ANK3: variants seen among roughly 807,000 people sequenced by gnomAD.
ANK3 encodes the protein ankyrin 3.
A neutral mutation model predicts 370.9 loss-of-function variants in ANK3; 57 were observed. That is an observed-to-expected ratio of 0.15 (90% confidence interval 0.12 to 0.19). The LOEUF (loss-of-function observed/expected upper bound fraction) is 0.19, where lower values mean the gene tolerates loss of function less well. Ranked by LOEUF, ANK3 falls within the 10% of genes least tolerant of loss-of-function variation. The pLI is 1.00. For synonymous variants in ANK3, 1,929 were observed against 1,946.3 expected, an observed-to-expected ratio of 0.99 and a Z score of 0.23; for missense variants, 4,439 against 5,302.1, an observed-to-expected ratio of 0.84 and a Z score of 5.06.
chr10:60,072,323 C>T lies in ANK3; in HGVS notation c.8558G>A (p.Arg2853Lys). The T allele has an allele frequency of 6.2e-7, 1 of 1,613,988 alleles. No homozygotes were observed. Residue 2853 changes from arginine to lysine, a missense_variant, in exon 37 of 44, where the codon AGA (arginine) becomes AAA (lysine). Arg to Lys is a conservative substitution (Grantham distance 26). Coordinates refer to ENST00000280772, the MANE Select transcript of ANK3 (RefSeq NM_020987.5). Reference sequence around the variant, plus strand: ...AGTGGCTCCCGAACTCTCCCATGTTCTAAAGACCTTTTTGTCCCATGGTCC... The same window carrying T: ...AGTGGCTCCCGAACTCTCCCATGTTTTAAAGACCTTTTTGTCCCATGGTCC... ...TRGPWDKKVF[R>K]TWESSGATNN...
intron 1 of ANK3, among the ~76,000 whole-genome samples, chr10:60,299,717 A>G (rs1020683320): frequency 5.9e-5 from 9 of 152,180 alleles, no homozygotes; most frequent in Non-Finnish European, 1.0e-4. Flanking sequence ...TAAGGGGGAG[A>G]TGGCTTACTA....
chr10:60,483,719 T>C (rs1469982052), intron 2 of ANK3, among the ~76,000 whole-genome samples: 2 of 152,072 alleles, frequency 1.3e-5, no homozygotes, highest in African/African-American at 4.8e-5. Flanking sequence ...GACCTCCCCC[T>C]CCAGCCCCCA....
chr10:60,107,220 C>G (rs189370087), intron 27 of ANK3, among the ~76,000 whole-genome samples: 1 of 152,052 alleles, frequency 6.6e-6, no homozygotes, highest in East Asian at 1.9e-4. Flanking sequence ...TAGGTAGAAA[C>G]AAAATCAAGT....
chr10:60,417,440 G>A (rs1020472987), intron 2 of ANK3, among the ~76,000 whole-genome samples: 1 of 152,140 alleles, frequency 6.6e-6, no homozygotes, highest in Admixed American at 6.5e-5. Flanking sequence ...TACTAGTGCA[G>A]GCCTGGTTTC....
chr10:60,262,000 C>G lies in ANK3; in HGVS notation c.700-43G>C, dbSNP rs748641816. 12 of 1,518,528 alleles carry G rather than the reference C, an allele frequency of 7.9e-6. No homozygotes were observed. The Middle Eastern group carries it at 5.1e-4, about 65-fold the overall frequency. 94.1% of individuals were successfully genotyped at this position (1,518,528 alleles called of 1,614,324 possible). ...CAGACATTCAATTGATTCCTGCCAG[C>G]CCCCTGCCTGACAGGCAAATATCAT... is the stretch of plus-strand genomic sequence containing the variant. On this transcript the variant is annotated intron_variant, in intron 6 of 43. Coordinates refer to ENST00000280772, the MANE Select transcript of ANK3 (RefSeq NM_020987.5).
At chr10:60,713,265 A>G (rs1043625966) in intron 1 of ANK3, among the ~76,000 whole-genome samples, 1 of 152,202 alleles carries the variant, frequency 6.6e-6, no homozygotes, top group Non-Finnish European at 1.5e-5. Context: ...ATGCTCTCAC[A>G]CCACAATGAA....
intron 1 of ANK3, among the ~76,000 whole-genome samples, chr10:60,695,254 G>T (rs2079428368): frequency 6.6e-6 from 1 of 152,008 alleles, no homozygotes; most frequent in African/African-American, 2.4e-5. Flanking sequence ...CATAAAGCAA[G>T]CCCTGAGTGA....
chr10:60,404,274 T>C (rs1270072052), intron 2 of ANK3, among the ~76,000 whole-genome samples: 2 of 152,114 alleles, frequency 1.3e-5, no homozygotes, highest in Non-Finnish European at 2.9e-5. Flanking sequence ...TAAAGAACTT[T>C]GAATATCCAA....
chr10:60,169,959 A>G (rs978996286), intron 21 of ANK3, among the ~76,000 whole-genome samples: 14 of 152,068 alleles, frequency 9.2e-5, no homozygotes, highest in African/African-American at 3.1e-4. Flanking sequence ...ACACTCTAAG[A>G]TGTTCCAGGC....
At chr10:60,730,641 T>A (rs939686418) in intron 1 of ANK3, among the ~76,000 whole-genome samples, 9 of 152,224 alleles carry the variant, frequency 5.9e-5, no homozygotes, top group African/African-American at 2.2e-4. Context: ...TGCAATTAAA[T>A]GGCCCTATTG....
At chr10:60,660,918 TCACA>T (rs140134322) in intron 1 of ANK3, among the ~76,000 whole-genome samples, 1 of 148,918 alleles carries the variant, frequency 6.7e-6, no homozygotes, top group South Asian at 2.1e-4. Flanking sequence ...AAATACACAC[TCACA>T]CACACACACA....
intron 4 of ANK3, among the ~76,000 whole-genome samples, chr10:60,278,443 C>T (rs971958431): frequency 3.3e-5 from 5 of 152,078 alleles, no homozygotes; most frequent in Non-Finnish European, 7.4e-5. Flanking sequence ...GGTGCAATCT[C>T]GGCTCACTGC....
intron 25 of ANK3, among the ~76,000 whole-genome samples, chr10:60,128,926 T>C (rs2093921702): frequency 6.6e-6 from 1 of 152,234 alleles, no homozygotes; most frequent in South Asian, 2.1e-4. Flanking sequence ...TAATGTGTCT[T>C]AAGTACATTA....
intron 2 of ANK3, among the ~76,000 whole-genome samples, chr10:60,529,440 G>A (rs765435614): frequency 1.3e-4 from 20 of 152,118 alleles, no homozygotes; most frequent in African/African-American, 1.7e-4. Flanking sequence ...CCCACACATC[G>A]ATAGAAGTTT....
chr10:60,224,954 C>A (rs1242537014), intron 8 of ANK3, among the ~76,000 whole-genome samples: 1 of 149,344 alleles, frequency 6.7e-6, no homozygotes, highest in Non-Finnish European at 1.5e-5. Context: ...CTTGTTGTCA[C>A]CCAGGCTGGA....
intron 7 of ANK3, among the ~76,000 whole-genome samples, chr10:60,258,388 G>T (rs2097764768): frequency 6.6e-6 from 1 of 152,204 alleles, no homozygotes; most frequent in African/African-American, 2.4e-5. Context: ...CATATACCTA[G>T]TAAAATTACA....
intron 42 of ANK3, among the ~76,000 whole-genome samples, chr10:60,049,310 T>C (rs761400825): frequency 1.3e-5 from 2 of 152,184 alleles, no homozygotes; most frequent in African/African-American, 2.4e-5. Flanking sequence ...GTAATGGGTC[T>C]GGGCGCAGTG....
intron 1 of ANK3, among the ~76,000 whole-genome samples, chr10:60,664,076 C>T (rs552248821): frequency 6.2e-4 from 94 of 152,340 alleles, no homozygotes; most frequent in Admixed American, 1.1e-3. Flanking sequence ...CCCACCCACT[C>T]AGCTTCCCAC....
intron 2 of ANK3, among the ~76,000 whole-genome samples, chr10:60,476,779 C>T (rs935170030): frequency 3.9e-5 from 6 of 152,068 alleles, no homozygotes; most frequent in East Asian, 1.9e-4. Flanking sequence ...GTCAATGGAC[C>T]GTCTGGAGAT....
Sources: gnomAD v4.1 joint callset for allele counts (sites outside exome capture counted in the v4.1 genomes callset) on GRCh38, gnomAD v4.1.1 for gene constraint, MANE v1.5 for transcripts, NCBI Gene and HGNC (gene_info 2026-07-23, HGNC 2026-07-21) for gene names.